Variants in DCLK2 observed in about 807,000 individuals in gnomAD.
DCLK2 encodes the protein doublecortin like kinase 2, also known as serine/threonine-protein kinase DCLK2.
DCLK2 carries 31 observed loss-of-function variants against 78.4 expected under a neutral mutation model. The observed-to-expected ratio is 0.40, with a 90% CI of 0.30 to 0.53. The LOEUF (loss-of-function observed/expected upper bound fraction) is 0.53, where lower values mean the gene tolerates loss of function less well. DCLK2 is among the 20% of genes least tolerant of loss of function. The probability of loss-of-function intolerance (pLI) is 0.61; values close to 1 mark genes in which losing one functional copy is unlikely to be tolerated. For missense variants in DCLK2, 872 were observed against 973.7 expected (o/e 0.90, Z 1.39); for synonymous variants, 407 against 374.9 (o/e 1.09, Z -0.99).
chr4:150,090,663 CTTAAG>C (rs925336510), intron 1 of DCLK2, among the ~76,000 whole-genome samples: 3 of 152,088 alleles, frequency 2.0e-5, no homozygotes, highest in Non-Finnish European at 4.4e-5. Flanking sequence ...TTTATTTGGC[CTTAAG>C]TTAAACTCCT....
At chr4:150,129,373 C>T (rs7667241) in intron 2 of DCLK2, among the ~76,000 whole-genome samples, 35,488 of 151,886 alleles carry the variant, frequency 0.23, 4,568 homozygotes, top group African/African-American at 0.34. Flanking sequence ...AATGCTTCTA[C>T]GCTTTGGCTA....
In DCLK2 at chr4:150,198,918, C is replaced by CCG. The variant is rs1553967947; in HGVS notation, c.961+816_961+817insGC. 1.5e-5 allele frequency: 9 copies of CCG among 606,098 alleles called. 1 individual carries two copies. In the East Asian group the frequency reaches 3.0e-4, roughly 20 times the overall value. The allele number at this position is 606,098 out of a possible 1,614,324, so 37.5% of individuals were successfully genotyped here. ...CCCTTTCCCCTTTCAGCACCCCCCCCCCCACTTTCTGTAGGGCAGGTCGTT... is the reference window on the plus strand; with the variant it reads ...CCCTTTCCCCTTTCAGCACCCCCCCCCGCCCACTTTCTGTAGGGCAGGTCGTT... On this transcript the variant is annotated intron_variant, in intron 4 of 15. Transcript: ENST00000296550.
chr4:150,153,440 T>C (rs1735033755), intron 2 of DCLK2, among the ~76,000 whole-genome samples: 1 of 151,794 alleles, frequency 6.6e-6, no homozygotes, highest in African/African-American at 2.4e-5. Flanking sequence ...GGGGACAGGG[T>C]CTTGCTCTGT....
chr4:150,217,515 G>A (rs573625367), intron 5 of DCLK2, among the ~76,000 whole-genome samples: 11 of 152,230 alleles, frequency 7.2e-5, no homozygotes, highest in East Asian at 1.9e-4. Context: ...ATTTGTAACC[G>A]TCAGCACCTA....
intron 2 of DCLK2, among the ~76,000 whole-genome samples, chr4:150,158,275 A>T (rs148259473): frequency 6.6e-6 from 1 of 152,214 alleles, no homozygotes; most frequent in Non-Finnish European, 1.5e-5. Context: ...GTCACATTGG[A>T]TTATGGCCTA....
At chr4:150,130,991 A>G (rs1191756181) in intron 2 of DCLK2, among the ~76,000 whole-genome samples, 1 of 152,162 alleles carries the variant, frequency 6.6e-6, no homozygotes, top group Non-Finnish European at 1.5e-5. Context: ...TGGAAATATC[A>G]AGGACCAAAA....
At chr4:150,223,865 C>G (rs772967857) in intron 7 of DCLK2, among the ~76,000 whole-genome samples, 1 of 152,232 alleles carries the variant, frequency 6.6e-6, no homozygotes, top group Non-Finnish European at 1.5e-5. Flanking sequence ...CAGATCAGAT[C>G]CTAGCTGAAG....
At chr4:150,125,796 C>T (rs181399049) in intron 2 of DCLK2, among the ~76,000 whole-genome samples, 9 of 151,960 alleles carry the variant, frequency 5.9e-5, no homozygotes, top group Non-Finnish European at 1.3e-4. Context: ...GAGGCTGAGG[C>T]AGAAGACTCA....
chr4:150,192,121 G>A (rs140247505), intron 2 of DCLK2, among the ~76,000 whole-genome samples: 4 of 152,178 alleles, frequency 2.6e-5, no homozygotes, highest in African/African-American at 9.7e-5. Context: ...TGCTCCCTGG[G>A]ATAGATCCAG....
intron 15 of DCLK2, among the ~76,000 whole-genome samples, 161 bp from the exon 16 acceptor site, chr4:150,255,859 G>A (rs1236293642): frequency 6.6e-6 from 1 of 152,064 alleles, no homozygotes; most frequent in Non-Finnish European, 1.5e-5. Context: ...GTGGGTTCCC[G>A]AAACCATTAC....
chr4:150,083,936 A>G (rs1729475077), intron 1 of DCLK2, among the ~76,000 whole-genome samples: 1 of 152,222 alleles, frequency 6.6e-6, no homozygotes, highest in Non-Finnish European at 1.5e-5. Flanking sequence ...CTTCCTTCAA[A>G]AAATGCACAT....
At chr4:150,124,114 G>A (rs1732762778) in intron 2 of DCLK2, among the ~76,000 whole-genome samples, 1 of 152,058 alleles carries the variant, frequency 6.6e-6, no homozygotes, top group Non-Finnish European at 1.5e-5. Context: ...TATTCTCCCT[G>A]TGTATTTTTA....
At chr4:150,096,415 A>G (rs1017258525) in intron 1 of DCLK2, among the ~76,000 whole-genome samples, 4 of 152,206 alleles carry the variant, frequency 2.6e-5, no homozygotes, top group African/African-American at 9.6e-5. Flanking sequence ...AACTCGAGAA[A>G]GATCTAGGCC....
At chr4:150,219,407 A>G (rs1039835296) in intron 5 of DCLK2, among the ~76,000 whole-genome samples, 2 of 151,836 alleles carry the variant, frequency 1.3e-5, no homozygotes, top group Non-Finnish European at 2.9e-5. Flanking sequence ...GATTACAGTC[A>G]TGTGTCACCA....
intron 3 of DCLK2, among the ~76,000 whole-genome samples, chr4:150,195,174 AC>A (rs1350521646): frequency 1.1e-4 from 1 of 9,222 alleles, no homozygotes; most frequent in Non-Finnish European, 5.6e-4. Flanking sequence ...TATATTATAT[AC>A]AATATTATAT....
intron 5 of DCLK2, among the ~76,000 whole-genome samples, chr4:150,211,117 C>T (rs918828507): frequency 1.3e-5 from 2 of 152,160 alleles, no homozygotes; most frequent in South Asian, 2.1e-4. Context: ...GCAGTCAAGA[C>T]GCGTCCCAGG....
chr4:150,198,908 G>GCCCCC (rs1405716632), intron 4 of DCLK2: 6 of 496,604 alleles, frequency 1.2e-5, no homozygotes, highest in African/African-American at 9.6e-5. Context: ...TCCCCTTTCA[G>GCCCCC]CACCCCCCCC....
intron 2 of DCLK2, among the ~76,000 whole-genome samples, chr4:150,175,187 TA>T (rs1736965149): frequency 2.7e-5 from 3 of 112,248 alleles, no homozygotes; most frequent in African/African-American, 8.2e-5. Flanking sequence ...TATATATTTA[TA>T]ATTTATCTAT....
chr4:150,254,521 G>T (rs984875489), intron 15 of DCLK2: 3 of 398,492 alleles, frequency 7.5e-6, no homozygotes, highest in Non-Finnish European at 1.3e-5. Flanking sequence ...GAGAAATAAC[G>T]GGGGGATTGT....
Sources: allele counts gnomAD v4.1 joint callset (sites outside exome capture counted in the v4.1 genomes callset), GRCh38; gene constraint gnomAD v4.1.1; transcripts MANE v1.5; gene names NCBI Gene and HGNC (gene_info 2026-07-23, HGNC 2026-07-21).